Variants in PKIB observed in about 807,000 individuals in gnomAD.
The protein encoded by PKIB is cAMP-dependent protein kinase inhibitor beta.
In PKIB, 2 loss-of-function variants were observed where a neutral mutation model predicts 4.5. The observed-to-expected ratio is 0.44, with a 90% CI of 0.18 to 1.39. The LOEUF is 1.39. Among genes scored for constraint, PKIB ranks in the 40% most tolerant of loss-of-function variants. The pLI is 0.27. For missense variants in PKIB, 94 were observed against 92.6 expected, an observed-to-expected ratio of 1.02 and a Z score of -0.06; for synonymous variants, 38 against 36.0, an observed-to-expected ratio of 1.06 and a Z score of -0.20.
At chr6:122,504,828 C>T (rs950382354) in intron 2 of PKIB, among the ~76,000 whole-genome samples, 19 of 152,120 alleles carry the variant, frequency 1.2e-4, no homozygotes, top group Non-Finnish European at 2.5e-4. Context: ...AATGCAGACA[C>T]TTTTCAGGTC....
At chr6:122,548,318 T>C (rs1328194075) in intron 2 of PKIB, among the ~76,000 whole-genome samples, 3 of 152,172 alleles carry the variant, frequency 2.0e-5, no homozygotes, top group African/African-American at 7.2e-5. Context: ...TTTAAGCAAG[T>C]GTATAGACTA....
intron 1 of PKIB, among the ~76,000 whole-genome samples, chr6:122,613,035 A>G (rs1461124475): frequency 6.6e-6 from 1 of 152,234 alleles, no homozygotes; most frequent in Non-Finnish European, 1.5e-5. Context: ...ACTTTTGAAA[A>G]AAATGTCGCA....
Position 122,561,988 on chromosome 6 carries a change from G to GTTTGTGT in PKIB, c.-247-23930_-247-23929insGTGTTTT, listed in dbSNP as rs1554220234. ...TTGCCTGCATAGTTTTTTTTTGTTT[G>GTTTGTGT]TTTTTGTTTTTTTTTGTTTTTTTTT... On this transcript the variant is annotated intron_variant, in intron 2 of 6. Transcript: ENST00000392491. 1.1e-3 allele frequency among the ~76,000 whole-genome samples: 26 copies of GTTTGTGT among 24,268 alleles called. 2 individuals are homozygous for GTTTGTGT. Among genetic ancestry groups the GTTTGTGT allele is most frequent in the East Asian group, 3.4e-3 (2 of 580 alleles). 15.9% of individuals were successfully genotyped at this position (24,268 alleles called of 152,430 possible).
At chr6:122,490,647 G>A (rs1291145180) in intron 2 of PKIB, among the ~76,000 whole-genome samples, 2 of 152,032 alleles carry the variant, frequency 1.3e-5, no homozygotes, top group African/African-American at 4.8e-5. Flanking sequence ...GCTACCCTTT[G>A]TCTTCCACCA....
At chr6:122,720,316 A>T (rs1779688339) in intron 4 of PKIB, among the ~76,000 whole-genome samples, 1 of 152,204 alleles carries the variant, frequency 6.6e-6, no homozygotes, top group Admixed American at 6.5e-5. Flanking sequence ...TTATAAATTG[A>T]TAACCATGAT....
At chr6:122,583,645 T>A (rs1170859900) in intron 2 of PKIB, among the ~76,000 whole-genome samples, 1 of 152,098 alleles carries the variant, frequency 6.6e-6, no homozygotes, top group Admixed American at 6.6e-5. Flanking sequence ...TTAATTCTAG[T>A]CTGTCTTTTC....
intron 2 of PKIB, among the ~76,000 whole-genome samples, chr6:122,574,899 T>C (rs545395452): frequency 4.7e-4 from 72 of 152,162 alleles, no homozygotes; most frequent in Non-Finnish European, 9.0e-4. Context: ...TAAATAAGTG[T>C]GACCTACTTA....
intron 2 of PKIB, among the ~76,000 whole-genome samples, chr6:122,517,174 C>T (rs1480048438): frequency 1.3e-5 from 2 of 152,082 alleles, no homozygotes; most frequent in African/African-American, 4.8e-5. Flanking sequence ...TGTACAATTT[C>T]TGGAATTTTT....
intron 2 of PKIB, among the ~76,000 whole-genome samples, chr6:122,570,256 A>G (rs760938158): frequency 3.3e-5 from 5 of 152,168 alleles, no homozygotes; most frequent in Admixed American, 6.5e-5. Context: ...CTGGCAGGGT[A>G]GCTGAGGTGC....
At chr6:122,559,770 G>A (rs945158557) in intron 2 of PKIB, among the ~76,000 whole-genome samples, 1 of 151,994 alleles carries the variant, frequency 6.6e-6, no homozygotes, top group South Asian at 2.1e-4. Flanking sequence ...CCTTGGTTAG[G>A]TATATTCCTA....
intron 3 of PKIB, among the ~76,000 whole-genome samples, chr6:122,603,767 G>A (rs1774446965): frequency 6.6e-6 from 1 of 152,116 alleles, no homozygotes; most frequent in South Asian, 2.1e-4. Flanking sequence ...AGGCATGAAC[G>A]ACCACTCCTG....
chr6:122,724,482 A>C (rs1435149003), intron 4 of PKIB, among the ~76,000 whole-genome samples: 2 of 152,196 alleles, frequency 1.3e-5, no homozygotes, highest in Non-Finnish European at 2.9e-5. Context: ...TTTTTGAACA[A>C]GCGTACTGCA....
intron 3 of PKIB, among the ~76,000 whole-genome samples, chr6:122,694,556 T>G (rs957232229): frequency 2.0e-5 from 3 of 152,224 alleles, no homozygotes; most frequent in Admixed American, 2.0e-4. Flanking sequence ...TCAATTTTTT[T>G]TTCTTCTCCT....
At chr6:122,557,084 C>T (rs753230363) in intron 2 of PKIB, among the ~76,000 whole-genome samples, 22 of 152,016 alleles carry the variant, frequency 1.4e-4, no homozygotes, top group Non-Finnish European at 2.8e-4. Flanking sequence ...GGTGTGGTGG[C>T]GGGCACCTGT....
intron 3 of PKIB, among the ~76,000 whole-genome samples, chr6:122,589,045 A>G (rs976568688): frequency 6.6e-6 from 1 of 152,160 alleles, no homozygotes; most frequent in African/African-American, 2.4e-5. Context: ...ATGACCTAAT[A>G]TAACTTCCTA....
intron 3 of PKIB, among the ~76,000 whole-genome samples, chr6:122,696,980 G>A (rs1182094302): frequency 6.6e-6 from 1 of 152,182 alleles, no homozygotes; most frequent in Non-Finnish European, 1.5e-5. Context: ...ACCCTGAAGA[G>A]ATGAGACCAA....
intron 2 of PKIB, among the ~76,000 whole-genome samples, chr6:122,526,591 C>T (rs567310270): frequency 6.6e-6 from 1 of 151,926 alleles, no homozygotes; most frequent in African/African-American, 2.4e-5. Context: ...AAAACAAAAT[C>T]TTTTTCTTTG....
chr6:122,517,061 T>C (rs1776781032), intron 2 of PKIB, among the ~76,000 whole-genome samples: 1 of 152,170 alleles, frequency 6.6e-6, no homozygotes, highest in Non-Finnish European at 1.5e-5. Context: ...TTTTTAGAGG[T>C]TAAATGGTCT....
intron 3 of PKIB, among the ~76,000 whole-genome samples, chr6:122,695,690 T>G (rs1425828823): frequency 1.3e-5 from 2 of 152,114 alleles, no homozygotes; most frequent in Non-Finnish European, 2.9e-5. Context: ...TCTAAATTTA[T>G]AAGGGCCTAT....
Sources: allele counts gnomAD v4.1 joint callset (sites outside exome capture counted in the v4.1 genomes callset), GRCh38; gene constraint gnomAD v4.1.1; transcripts MANE v1.5; gene names NCBI Gene and HGNC (gene_info 2026-07-23, HGNC 2026-07-21).